Variants in VTN observed in about 807,000 individuals in gnomAD.
VTN encodes the protein complement S-protein.
A neutral mutation model predicts 55.9 loss-of-function variants in VTN; 45 were observed. The ratio of observed to expected loss-of-function variants is 0.80; its 90% CI spans 0.63 to 1.03. VTN has a LOEUF of 1.03. Ranked by LOEUF, VTN falls within the 50% of genes least tolerant of loss-of-function variation. The pLI is 0.00. For missense variants in VTN, 589 were observed against 638.2 expected (o/e 0.92, Z 0.83); for synonymous variants, 238 against 242.3 (o/e 0.98, Z 0.17).
intron 7 of VTN, 72 bp from the exon 8 acceptor site, chr17:28,367,553 G>A (rs1159961720): frequency 6.8e-7 from 1 of 1,467,592 alleles, no homozygotes; most frequent in Non-Finnish European, 9.4e-7. Context: ...GAGAAGTCTA[G>A]GGTCTCTCCC....
In VTN at chr17:28,369,537, G is replaced by A; in HGVS notation, c.499C>T (p.Leu167Phe). The change falls in exon 3 of 8, where the codon CTC (leucine) becomes TTC (phenylalanine). Residue 167 changes from leucine (L) to phenylalanine (F), a missense_variant. This residue lies in a region of VTN where 217 missense variants were observed against 241.3 expected (regional missense o/e 0.90). Coordinates refer to ENST00000226218, the MANE Select transcript of VTN (RefSeq NM_000638.4). This position sits in a 1 kb window ranked among gnomAD's most constrained non-coding sequence, Gnocchi z 5.3. ...SGKPFDAFTD[L>F]KNGSLFAFRG... ...AAGGCAAAGAGGGAACCGTTCTTGA[G>A]GTCGGTGAAGGCGTCGAAGGGCTTC... 2 of 1,609,386 alleles carry A rather than the reference G, an allele frequency of 1.2e-6. No homozygotes were observed. Among genetic ancestry groups the A allele is most frequent in the Non-Finnish European group, 1.7e-6 (2 of 1,179,330 alleles).
chr17:28,368,124 C>T (rs1555583344), intron 6 of VTN, 65 bp from the exon 7 acceptor site: 2 of 1,367,538 alleles, frequency 1.5e-6, no homozygotes, highest in Non-Finnish European at 2.0e-6. Flanking sequence ...CCAGCGGGGC[C>T]ATTAGAGTTC....
Position 28,369,626 on chromosome 17 carries a change from G to C in VTN, c.410C>G (p.Ser137Ter), listed in dbSNP as rs377679842. 8 of 1,613,648 alleles carry C rather than the reference G, an allele frequency of 5.0e-6. No individual in the cohort carries two copies. In the African/African-American group the frequency reaches 1.1e-4, roughly 22 times the overall value. Residue 137 changes from serine (S) to a stop codon, truncating the protein, a stop_gained, in exon 3 of 8, where the codon TCA becomes TGA. Transcript: ENST00000226218. LOFTEE classifies it high-confidence loss of function. The surrounding 1 kb of genome is among the most constrained non-coding windows in gnomAD (Gnocchi z 5.3). ...CCCTGGATGAAGGGTCTCAGGCCTT[G>C]AGTCTATCCCCTCAGGCTTAGAGGC... ...VGASKPEGID[S>*]RPETLHPGRP...
chr17:28,368,096 G>T (rs919319240), intron 6 of VTN, 37 bp from the exon 7 acceptor site: 63 of 1,516,646 alleles, frequency 4.2e-5, no homozygotes, highest in Non-Finnish European at 5.1e-5. Context: ...GGTCTTGGGG[G>T]TCCGAATCTT....
rs782163156 is a variant in VTN at position 28,367,830 on chromosome 17, G to A, written c.1209C>T (p.Ser403=). 2 of 1,614,186 alleles carry A rather than the reference G, an allele frequency of 1.2e-6. No individual in the cohort carries two copies. The highest frequency in any genetic ancestry group is 1.7e-6 in the Non-Finnish European group (2 of 1,180,048). ...AGTTGCTCTCCTCACTGGAGAACAA[G>A]GACAGCCACGTGGCGCGGGATGGCC... ...SRRPSRATWL[S]LFSSEESNLG... Residue 403 remains serine, a synonymous_variant, in exon 7 of 8, where the codon TCC becomes TCT. Transcript: ENST00000226218.
chr17:28,368,089 C>G (rs2067921848), intron 6 of VTN, 30 bp from the exon 7 acceptor site: 1 of 1,528,184 alleles, frequency 6.5e-7, no homozygotes, highest in Non-Finnish European at 8.8e-7. Context: ...AATGAGAGGT[C>G]TTGGGGGTCC....
chr17:28,369,246 C>T lies in VTN; in HGVS notation c.669+43G>A. On this transcript the variant is annotated intron_variant, in intron 4 of 7. Transcript: ENST00000226218. This position sits in a 1 kb window ranked among gnomAD's most constrained non-coding sequence, Gnocchi z 5.3. ...GTCCCTGGGAGCAATAGCTCTCAAA[C>T]CCTCCCTAGATGCTTTCTACCCTGG... 1 of 1,539,288 alleles carries T rather than the reference C, an allele frequency of 6.5e-7. No individual in the cohort carries two copies. Among genetic ancestry groups the T allele is most frequent in the Non-Finnish European group, 8.8e-7 (1 of 1,140,978 alleles).
chr17:28,367,469 CG>C lies in VTN; in HGVS notation c.1336del (p.Arg446GlufsTer60). On this transcript the variant is annotated frameshift_variant, in exon 8 of 8. Coordinates refer to ENST00000226218, the MANE Select transcript of VTN (RefSeq NM_000638.4). LOFTEE classifies it high-confidence loss of function. ...CACTCGCCGTGTGCGAAGATTGACTCGGTAGTACTTGTCTGGAAGAGAGGAA... is the reference window on the plus strand; with the variant it reads ...CACTCGCCGTGTGCGAAGATTGACTCGTAGTACTTGTCTGGAAGAGAGGAA... ...VFFFSGDKYY[R>X]VNLRTRRVDT... 6.2e-7 allele frequency: 1 copy of C among 1,613,532 alleles called. No homozygotes were observed. The highest frequency in any genetic ancestry group is 8.5e-7 in the Non-Finnish European group (1 of 1,179,824).
At position 28,369,977 on chromosome 17, in the gene VTN, G is replaced by T; in HGVS notation, c.134C>A (p.Ser45Tyr). The change falls in exon 2 of 8, where the codon TCT becomes TAT. Residue 45 changes from serine to tyrosine, a missense_variant. This residue lies in a region of VTN where 217 missense variants were observed against 241.3 expected (regional missense o/e 0.90). Coordinates refer to ENST00000226218, the MANE Select transcript of VTN (RefSeq NM_000638.4). The surrounding 1 kb of genome is among the most constrained non-coding windows in gnomAD (Gnocchi z 5.3). ...DKKCQCDELCSYYQSCCTDYT... is the reference protein window; with the variant it reads ...DKKCQCDELCYYYQSCCTDYT... The stretch of plus-strand genomic sequence containing the variant: ...GTCTGTGCAGCAGCTCTGGTAGTAA[G>T]AGCAGAGCTCGTCACACTGGCACTT... 1.2e-6 allele frequency: 2 copies of T among 1,614,082 alleles called. No homozygotes were observed. Among genetic ancestry groups the T allele is most frequent in the South Asian group, 2.2e-5 (2 of 91,082 alleles).
intron 6 of VTN, among the ~76,000 whole-genome samples, chr17:28,368,270 C>T (rs2067923758): frequency 6.6e-6 from 1 of 151,976 alleles, no homozygotes; most frequent in Admixed American, 6.6e-5. Context: ...CCCAGGCCCC[C>T]TAAACTCCTC....
In VTN at chr17:28,368,852, T is replaced by C. The variant is rs2067929520; in HGVS notation, c.826+20A>G. On this transcript the variant is annotated intron_variant, in intron 5 of 7. Transcript: ENST00000226218. ...AGACTGCTCCACTGCCTGCTCAGTC[T>C]CCCACCACCCCCTGAGTACCCTTGA... 1 of 1,613,310 alleles carries C rather than the reference T, an allele frequency of 6.2e-7. No individual in the cohort carries two copies. The highest frequency in any genetic ancestry group is 1.1e-5 in the South Asian group (1 of 91,040).
rs1211508812 is a variant in VTN, at chr17:28,370,000, C to T, written c.111G>A (p.Lys37=). The T allele has an allele frequency of 1.2e-6, 2 of 1,613,970 alleles. No homozygotes were observed. Among genetic ancestry groups the T allele is most frequent in the East Asian group, 4.5e-5 (2 of 44,884 alleles). ...RCTEGFNVDK[K]CQCDELCSYY... ...AAGAGCAGAGCTCGTCACACTGGCA[C>T]TTCTTGTCCACGTTGAAGCCCTCAG... is the stretch of plus-strand genomic sequence containing the variant. Residue 37 remains lysine, a synonymous_variant, in exon 2 of 8, where the codon AAG becomes AAA. Transcript: ENST00000226218. The surrounding 1 kb of genome is among the most constrained non-coding windows in gnomAD (Gnocchi z 5.3).
chr17:28,368,462 C>T lies in VTN; in HGVS notation c.979+59G>A, dbSNP rs879969955. 8.8e-6 allele frequency: 14 copies of T among 1,598,336 alleles called. No individual in the cohort carries two copies. The South Asian group carries it at 1.5e-4, about 18-fold the overall frequency. On this transcript the variant is annotated intron_variant, in intron 6 of 7. Coordinates refer to ENST00000226218, the MANE Select transcript of VTN (RefSeq NM_000638.4). ...CCCCCTCCAGCCGGCCTGGCTCTAC[C>T]AATACCAAGGGGTTTCAGCCCTTTT...
In VTN at chr17:28,367,697, G is replaced by C; in HGVS notation, c.1324+18C>G. 1 of 1,602,254 alleles carries C rather than the reference G, an allele frequency of 6.2e-7. No individual in the cohort carries two copies. Among genetic ancestry groups the C allele is most frequent in the South Asian group, 1.1e-5 (1 of 90,664 alleles). ...AAACCCAAGCTAGACCAGCTTCAGG[G>C]GTGGCAGCGGCTCCTACCTCCAGAG... On this transcript the variant is annotated intron_variant, in intron 7 of 7. Coordinates refer to ENST00000226218, the MANE Select transcript of VTN (RefSeq NM_000638.4).
chr17:28,369,743 A>G lies in VTN; in HGVS notation c.293T>C (p.Leu98Pro). ...TVHEQVGGPSLTSDLQAQSKG... is the reference protein window; with the variant it reads ...TVHEQVGGPSPTSDLQAQSKG... ...GGACTGGGCCTGGAGGTCAGAGGTC[A>G]GGGAGGGGCCCCCCACCTGTTCATG... The change falls in exon 3 of 8, where the codon CTG (leucine) becomes CCG (proline). Residue 98 changes from leucine to proline, a missense_variant. Physicochemically the swap from Leu to Pro is moderately conservative, Grantham distance 98 (BLOSUM62 -3). This residue lies in a region of VTN where 217 missense variants were observed against 241.3 expected (regional missense o/e 0.90). Coordinates refer to ENST00000226218, the MANE Select transcript of VTN (RefSeq NM_000638.4). The surrounding 1 kb of genome is among the most constrained non-coding windows in gnomAD (Gnocchi z 5.3). 20 of 1,613,994 alleles carry G rather than the reference A, an allele frequency of 1.2e-5. No homozygotes were observed. The highest frequency in any genetic ancestry group is 1.7e-5 in the Non-Finnish European group (20 of 1,180,028).
rs1356097487 is a variant in VTN at position 28,369,860 on chromosome 17, A to AG, written c.185-10dup. The AG allele has an allele frequency of 2.5e-6, 4 of 1,611,970 alleles. No homozygotes were observed. The highest frequency in any genetic ancestry group is 3.3e-5 in the Admixed American group (2 of 59,964). ...CACATCCCCGCGAGTCACTGCAGAG[A>AG]GTGGATGGTAGTGAGTCTCCAGCAG... On this transcript the variant is annotated splice_polypyrimidine_tract_variant and intron_variant, in intron 2 of 7. Transcript: ENST00000226218. The surrounding 1 kb of genome is among the most constrained non-coding windows in gnomAD (Gnocchi z 5.3).
At chr17:28,368,382 G>A (rs2067924538) in intron 6 of VTN, 139 bp downstream of exon 6, 1 of 1,255,354 alleles carries the variant, frequency 8.0e-7, no homozygotes, top group East Asian at 2.4e-5. Flanking sequence ...AAGGTCAACA[G>A]AAGCAAAGTC....
chr17:28,369,044 A>G lies in VTN; in HGVS notation c.670-16T>C, dbSNP rs782057735. 3.2e-6 allele frequency: 5 copies of G among 1,572,400 alleles called. 1 individual carries two copies. In the South Asian group the frequency reaches 5.9e-5, roughly 19 times the overall value. ...ACTGACTACCCTAAGAGGTGGGGAA[A>G]GTGAAAAGGGGTATGGAGGCCGCTG... On this transcript the variant is annotated splice_polypyrimidine_tract_variant and intron_variant, in intron 4 of 7. Coordinates refer to ENST00000226218, the MANE Select transcript of VTN (RefSeq NM_000638.4). This position sits in a 1 kb window ranked among gnomAD's most constrained non-coding sequence, Gnocchi z 5.3.
chr17:28,369,483 C>A lies in VTN; in HGVS notation c.529+24G>T. On this transcript the variant is annotated intron_variant, in intron 3 of 7. Transcript: ENST00000226218. The surrounding 1 kb of genome is among the most constrained non-coding windows in gnomAD (Gnocchi z 5.3). ...GGACGCTCCTGGGGCAGACCCGCAT[C>A]CCCAGTACCTGCCCTGGATTCACCT... 6.3e-7 allele frequency: 1 copy of A among 1,595,204 alleles called. No homozygotes were observed. Among genetic ancestry groups the A allele is most frequent in the Non-Finnish European group, 8.5e-7 (1 of 1,171,200 alleles).
Sources: gnomAD v4.1 joint callset for allele counts (sites outside exome capture counted in the v4.1 genomes callset) on GRCh38, gnomAD v4.1.1 for gene constraint, gnomAD v4.1.1 regional missense constraint, Gnocchi (gnomAD v3.1) non-coding constraint, MANE v1.5 for transcripts, NCBI Gene and HGNC (gene_info 2026-07-23, HGNC 2026-07-21) for gene names.